MAST2: variants seen among roughly 807,000 people sequenced by gnomAD.
MAST2 encodes microtubule-associated serine/threonine-protein kinase 2.
MAST2 carries 70 observed loss-of-function variants against 147.4 expected under a neutral mutation model. The observed-to-expected ratio is 0.47, with a 90% CI of 0.39 to 0.58. The LOEUF is 0.58. Ranked by LOEUF, MAST2 falls within the 20% of genes least tolerant of loss-of-function variation. The probability of loss-of-function intolerance (pLI) is 0.00; values close to 1 mark genes in which losing one functional copy is unlikely to be tolerated. For synonymous variants in MAST2, 869 were observed against 896.8 expected (o/e 0.97, Z 0.55); for missense variants, 2,080 against 2,302.3 (o/e 0.90, Z 1.98).
rs768260308 is a variant in MAST2, at chr1:46,030,091, AG to A, written c.2444-35del. On this transcript the variant is annotated intron_variant, in intron 20 of 28. Coordinates refer to ENST00000361297, the MANE Select transcript of MAST2 (RefSeq NM_015112.3). The stretch of plus-strand genomic sequence containing the variant: ...ATGGGGTCACAAGGAGGCCACCAGC[AG>A]GGCTCTGAAGGAAAGTGTCCTTTAT... 1.9e-6 allele frequency: 3 copies of A among 1,609,440 alleles called. No homozygotes were observed. In the South Asian group the frequency reaches 3.3e-5, roughly 18 times the overall value.
At chr1:45,971,535 A>C (rs1294350973) in intron 5 of MAST2, among the ~76,000 whole-genome samples, 1 of 152,172 alleles carries the variant, frequency 6.6e-6, no homozygotes, top group African/African-American at 2.4e-5. Flanking sequence ...ACTGACTGAT[A>C]ATGCAGTTGC....
intron 4 of MAST2, among the ~76,000 whole-genome samples, chr1:45,943,429 C>T (rs1657597151): frequency 6.6e-6 from 1 of 152,188 alleles, no homozygotes; most frequent in African/African-American, 2.4e-5. Context: ...TCCTGGGTTA[C>T]ATTCCCAAGG....
intron 16 of MAST2, among the ~76,000 whole-genome samples, chr1:46,026,917 T>G (rs961390050): frequency 3.3e-5 from 5 of 152,184 alleles, no homozygotes; most frequent in African/African-American, 9.7e-5. Flanking sequence ...CTTTCTAATA[T>G]AGGGAATAAT....
At chr1:45,939,157 C>T (rs1173153963) in intron 4 of MAST2, among the ~76,000 whole-genome samples, 1 of 151,786 alleles carries the variant, frequency 6.6e-6, no homozygotes, top group Non-Finnish European at 1.5e-5. Flanking sequence ...ACATTTTCTA[C>T]TCCTAAATTT....
intron 1 of MAST2, among the ~76,000 whole-genome samples, chr1:45,816,117 T>G (rs1644442860): frequency 6.6e-6 from 1 of 151,280 alleles, no homozygotes; most frequent in Non-Finnish European, 1.5e-5. Context: ...CAAGCACAGA[T>G]AGGAGATCTG....
chr1:45,933,693 G>T (rs1655729955), intron 4 of MAST2, among the ~76,000 whole-genome samples: 1 of 151,902 alleles, frequency 6.6e-6, no homozygotes, highest in Admixed American at 6.6e-5. Context: ...GGCGGAGGTT[G>T]CAGTGAGCCA....
chr1:46,021,320 G>GA (rs2149286557), intron 11 of MAST2, among the ~76,000 whole-genome samples: 1 of 152,320 alleles, frequency 6.6e-6, no homozygotes, highest in Non-Finnish European at 1.5e-5. Context: ...GACCTGGGCT[G>GA]AATGCTGGTT....
At chr1:46,032,811 C>T (rs1646729202) in intron 26 of MAST2, 93 bp downstream of exon 26, 6 of 1,492,538 alleles carry the variant, frequency 4.0e-6, no homozygotes, top group Non-Finnish European at 5.5e-6. Context: ...GTTGGGTGCA[C>T]ACACATCTAC....
intron 1 of MAST2, among the ~76,000 whole-genome samples, chr1:45,821,047 A>C (rs1485198941): frequency 6.6e-6 from 1 of 151,374 alleles, no homozygotes; most frequent in African/African-American, 2.4e-5. Flanking sequence ...CCACAGGTAC[A>C]TGTCACCATG....
intron 4 of MAST2, among the ~76,000 whole-genome samples, chr1:45,938,826 C>A (rs1049145611): frequency 6.6e-6 from 1 of 152,056 alleles, no homozygotes; most frequent in South Asian, 2.1e-4. Flanking sequence ...AGCATCTTAT[C>A]TCATTGTTAG....
chr1:46,020,948 G>A (rs145902037), intron 11 of MAST2, among the ~76,000 whole-genome samples: 1 of 152,330 alleles, frequency 6.6e-6, no homozygotes, highest in Non-Finnish European at 1.5e-5. Flanking sequence ...AACATGGATA[G>A]TGAATTGGAA....
At chr1:45,933,472 G>A (rs1479978402) in intron 4 of MAST2, among the ~76,000 whole-genome samples, 2 of 151,688 alleles carry the variant, frequency 1.3e-5, no homozygotes, top group Admixed American at 1.3e-4. Flanking sequence ...GGGCACGGTG[G>A]CTCACGCCTT....
At chr1:45,930,072 A>T (rs1183859606) in intron 4 of MAST2, among the ~76,000 whole-genome samples, 1 of 152,120 alleles carries the variant, frequency 6.6e-6, no homozygotes. Flanking sequence ...AGTCATATTA[A>T]AATATTCCTA....
intron 15 of MAST2, 69 bp downstream of exon 15, chr1:46,024,049 C>T (rs1248722301): frequency 1.3e-6 from 2 of 1,487,508 alleles, no homozygotes; most frequent in African/African-American, 2.8e-5. Context: ...AAACAGGGAC[C>T]AGCAGCTTTG....
chr1:45,994,959 C>T (rs1260906248), intron 5 of MAST2, among the ~76,000 whole-genome samples: 1 of 152,062 alleles, frequency 6.6e-6, no homozygotes, highest in Non-Finnish European at 1.5e-5. Context: ...CTGCCTCAGC[C>T]TTCCGAATAT....
intron 4 of MAST2, among the ~76,000 whole-genome samples, chr1:45,887,895 G>A (rs1321523649): frequency 6.6e-6 from 1 of 152,178 alleles, no homozygotes; most frequent in East Asian, 1.9e-4. Flanking sequence ...GATTCTCTAA[G>A]TGTCCAATGG....
chr1:45,917,631 A>G (rs1313448150), intron 4 of MAST2: 1 of 878,994 alleles, frequency 1.1e-6, no homozygotes, highest in Non-Finnish European at 1.6e-6. Flanking sequence ...AAATGGAGTA[A>G]GAGTCTTGGT....
intron 5 of MAST2, among the ~76,000 whole-genome samples, chr1:45,974,441 C>T (rs1446440261): frequency 1.3e-5 from 2 of 152,060 alleles, no homozygotes; most frequent in Non-Finnish European, 2.9e-5. Flanking sequence ...ACAAATGATA[C>T]AAAAATTAGC....
rs751743014 is a variant in MAST2 at position 45,937,293 on chromosome 1, C to T, written c.501-22093C>T. ...TTTTAAAATTTTATTTATTTACTTG[C>T]TTGTTCATTACTTTTTTTTTCTAGA... On this transcript the variant is annotated intron_variant, in intron 4 of 28. Coordinates refer to ENST00000361297, the MANE Select transcript of MAST2 (RefSeq NM_015112.3). Among the ~76,000 whole-genome samples the T allele has an allele frequency of 2.8e-4, 42 of 151,348 alleles. 1 individual carries two copies. The Middle Eastern group carries it at 0.034, about 123-fold the overall frequency.
Sources: allele counts gnomAD v4.1 joint callset (sites outside exome capture counted in the v4.1 genomes callset), GRCh38; gene constraint gnomAD v4.1.1; transcripts MANE v1.5; gene names NCBI Gene and HGNC (gene_info 2026-07-23, HGNC 2026-07-21).